PGCKA1: variants seen among roughly 807,000 people sequenced by gnomAD.
PGCKA1 encodes PDCD10 and GCKIII kinases-associated protein 1.
At chr4:37,544,740 GT>G in the PGCKA1 span, among the ~76,000 whole-genome samples, 1 of 148,674 alleles carries the variant, frequency 6.7e-6, no homozygotes, top group African/African-American at 2.6e-5. Flanking sequence ...TGGGGTTTGG[GT>G]TGGGGGTTGG....
chr4:37,589,171 A>G, the PGCKA1 span, among the ~76,000 whole-genome samples: 6 of 152,192 alleles, frequency 3.9e-5, no homozygotes, highest in Non-Finnish European at 7.3e-5. Flanking sequence ...GATGCCTGAA[A>G]TGGCATCGCT....
chr4:37,500,284 C>T, the PGCKA1 span, among the ~76,000 whole-genome samples: 2 of 152,302 alleles, frequency 1.3e-5, no homozygotes, highest in East Asian at 3.9e-4. Flanking sequence ...TTAACACTGC[C>T]TTAGCAGTAT....
At chr4:37,567,670 C>G in the PGCKA1 span, among the ~76,000 whole-genome samples, 2 of 152,104 alleles carry the variant, frequency 1.3e-5, no homozygotes, top group Non-Finnish European at 2.9e-5. Context: ...CTCTCTTTCT[C>G]TCTCACACAC....
chr4:37,463,739 T>C, the PGCKA1 span, among the ~76,000 whole-genome samples: 1 of 151,636 alleles, frequency 6.6e-6, no homozygotes, highest in African/African-American at 2.4e-5. Context: ...GTTTTCTTAA[T>C]ACCCTCTGCC....
At chr4:37,554,746 A>AT in the PGCKA1 span, among the ~76,000 whole-genome samples, 81 of 152,308 alleles carry the variant, frequency 5.3e-4, no homozygotes, top group African/African-American at 1.8e-3. Flanking sequence ...GGATGAATAG[A>AT]ATTTTGCAAA....
the PGCKA1 span, among the ~76,000 whole-genome samples, chr4:37,476,943 G>C: frequency 2.0e-5 from 3 of 152,224 alleles, no homozygotes; most frequent in Non-Finnish European, 4.4e-5. Context: ...TTAATACACT[G>C]CTGGTGGGAA....
chr4:37,591,118 GT>G, the PGCKA1 span: 1 of 799,114 alleles, frequency 1.3e-6, no homozygotes, highest in Non-Finnish European at 2.0e-6. Context: ...CTTACCAGTT[GT>G]TTACATCCAG....
At chr4:37,485,698 C>A in the PGCKA1 span, among the ~76,000 whole-genome samples, 3 of 152,140 alleles carry the variant, frequency 2.0e-5, no homozygotes, top group South Asian at 6.2e-4. Context: ...AACCTGAATA[C>A]CACCAATTGA....
the PGCKA1 span, among the ~76,000 whole-genome samples, chr4:37,463,453 G>T: frequency 6.6e-6 from 1 of 152,158 alleles, no homozygotes; most frequent in Non-Finnish European, 1.5e-5. Flanking sequence ...ACCAGGATTT[G>T]GTTTTGGCAA....
the PGCKA1 span, chr4:37,460,381 T>G: frequency 7.1e-6 from 2 of 280,162 alleles, no homozygotes; most frequent in African/African-American, 4.6e-5. Flanking sequence ...TTGAATGGTA[T>G]TTCTGGTTCT....
At chr4:37,577,538 A>G in the PGCKA1 span, among the ~76,000 whole-genome samples, 1 of 151,322 alleles carries the variant, frequency 6.6e-6, no homozygotes, top group Non-Finnish European at 1.5e-5. Flanking sequence ...GATCTTTTGT[A>G]TTGTTTTCTT....
At chr4:37,508,693 G>GTTTTTTTTTTTTTTTTTTTTTTTTTT in the PGCKA1 span, among the ~76,000 whole-genome samples, 74 of 53,186 alleles carry the variant, frequency 1.4e-3, no homozygotes, top group East Asian at 3.0e-3. Flanking sequence ...CTTTTTTTTA[G>GTTTTTTTTTTTTTTTTTTTTTTTTTT]TATTTATTGA....
the PGCKA1 span, among the ~76,000 whole-genome samples, chr4:37,473,238 A>G: frequency 1.3e-5 from 2 of 152,170 alleles, no homozygotes; most frequent in African/African-American, 4.8e-5. Context: ...TTTAAGTGTA[A>G]ATATGATGGA....
chr4:37,551,659 G>A, the PGCKA1 span, among the ~76,000 whole-genome samples: 1 of 152,168 alleles, frequency 6.6e-6, no homozygotes, highest in Non-Finnish European at 1.5e-5. Context: ...TTAGAAATAT[G>A]ACAAAACTGG....
At chr4:37,535,293 G>A in the PGCKA1 span, among the ~76,000 whole-genome samples, 4 of 152,336 alleles carry the variant, frequency 2.6e-5, no homozygotes, top group African/African-American at 4.8e-5. Context: ...CGGCCAAGGC[G>A]GGAGGATTGC....
At chr4:37,471,772 G>A in the PGCKA1 span, among the ~76,000 whole-genome samples, 2 of 152,080 alleles carry the variant, frequency 1.3e-5, no homozygotes, top group Non-Finnish European at 2.9e-5. Flanking sequence ...AAAAGTAGAA[G>A]AATGAAGAAA....
At chr4:37,547,900 C>T in the PGCKA1 span, among the ~76,000 whole-genome samples, 1,701 of 150,252 alleles carry the variant, frequency 0.011, 28 homozygotes, top group Non-Finnish European at 0.017. Flanking sequence ...AATTTAACAG[C>T]GTAACATGTA....
the PGCKA1 span, among the ~76,000 whole-genome samples, chr4:37,570,411 A>T: frequency 1.5e-5 from 2 of 135,784 alleles, no homozygotes; most frequent in Non-Finnish European, 3.1e-5. Flanking sequence ...TGCCCAAAAG[A>T]GTAGGAAATG....
chr4:37,526,481 T>C, the PGCKA1 span, among the ~76,000 whole-genome samples: 14 of 151,896 alleles, frequency 9.2e-5, no homozygotes, highest in African/African-American at 2.9e-4. Flanking sequence ...GTAGATTTTC[T>C]CATATCAATT....
Sources: allele counts gnomAD v4.1 joint callset (sites outside exome capture counted in the v4.1 genomes callset), GRCh38; gene constraint gnomAD v4.1.1; transcripts MANE v1.5; gene names NCBI Gene and HGNC (gene_info 2026-07-23, HGNC 2026-07-21).